The following LRMDA variants were observed in gnomAD, a reference collection of about 807,000 sequenced individuals.
The protein encoded by LRMDA is leucine rich melanocyte differentiation associated.
LRMDA carries 18 observed loss-of-function variants against 29.8 expected under a neutral mutation model. That is an observed-to-expected ratio of 0.60 (90% confidence interval 0.42 to 0.90). The LOEUF (loss-of-function observed/expected upper bound fraction) is 0.90, where lower values mean the gene tolerates loss of function less well. Ranked by LOEUF, LRMDA falls within the 40% of genes least tolerant of loss-of-function variation. LRMDA has a pLI of 0.00. For synonymous variants in LRMDA, 125 were observed against 109.4 expected (o/e 1.14, Z -0.89); for missense variants, 273 against 273.9 (o/e 1.00, Z 0.02).
intron 2 of LRMDA, chr10:75,552,413 G>GT (rs374745156): frequency 0.022 from 5,123 of 229,454 alleles, 4 homozygotes; most frequent in South Asian, 0.052. Flanking sequence ...TTTGTTCTGT[G>GT]TTTTTTTTTT....
At chr10:76,535,228 T>C (rs1001340044) in intron 6 of LRMDA, among the ~76,000 whole-genome samples, 2 of 152,140 alleles carry the variant, frequency 1.3e-5, no homozygotes, top group East Asian at 1.9e-4. Context: ...ATGGGTCTTA[T>C]GCATTTTTGT....
intron 6 of LRMDA, among the ~76,000 whole-genome samples, chr10:76,473,090 C>T (rs1024234828): frequency 2.0e-5 from 3 of 151,596 alleles, no homozygotes; most frequent in African/African-American, 4.8e-5. Flanking sequence ...TATGATATTT[C>T]GTGAAATGAA....
At chr10:75,879,815 T>C (rs1845264849) in intron 2 of LRMDA, among the ~76,000 whole-genome samples, 1 of 152,194 alleles carries the variant, frequency 6.6e-6, no homozygotes, top group South Asian at 2.1e-4. Context: ...TTTCCATTTC[T>C]TGGAATGATG....
chr10:75,877,359 G>A (rs958595714), intron 2 of LRMDA, among the ~76,000 whole-genome samples: 1 of 152,188 alleles, frequency 6.6e-6, no homozygotes, highest in African/African-American at 2.4e-5. Context: ...ATCCTCCAAA[G>A]CATCTTCCCG....
At chr10:76,557,130 A>T in intron 6 of LRMDA, 79 bp from the exon 7 acceptor site, 1 of 1,114,544 alleles carries the variant, frequency 9.0e-7, no homozygotes, top group Non-Finnish European at 1.4e-6. Flanking sequence ...ATTATCTTGC[A>T]TGTCTGCTTT....
intron 2 of LRMDA, among the ~76,000 whole-genome samples, chr10:75,688,428 C>A (rs1842107723): frequency 6.6e-6 from 1 of 152,194 alleles, no homozygotes; most frequent in South Asian, 2.1e-4. Flanking sequence ...AGCAAGAAAA[C>A]TAGAATTGGA....
At chr10:76,478,319 A>G (rs1169234127) in intron 6 of LRMDA, among the ~76,000 whole-genome samples, 2 of 152,234 alleles carry the variant, frequency 1.3e-5, no homozygotes, top group Admixed American at 6.5e-5. Context: ...ACTGGCCATC[A>G]GAGAAATGCA....
At chr10:75,951,362 C>T (rs907307166) in intron 2 of LRMDA, among the ~76,000 whole-genome samples, 81 of 152,254 alleles carry the variant, frequency 5.3e-4, no homozygotes, top group African/African-American at 1.8e-3. Flanking sequence ...CAGTCAGAGC[C>T]GACTTCCTGG....
chr10:75,538,069 T>C (rs142274421), intron 2 of LRMDA, among the ~76,000 whole-genome samples: 2 of 152,318 alleles, frequency 1.3e-5, no homozygotes, highest in African/African-American at 4.8e-5. Context: ...CACCACAGTA[T>C]ACGGTTGGGG....
chr10:76,490,758 T>C (rs892028017), intron 6 of LRMDA, among the ~76,000 whole-genome samples: 4 of 151,980 alleles, frequency 2.6e-5, no homozygotes, highest in African/African-American at 7.2e-5. Context: ...GATTGGAGAA[T>C]TCAGTCCATT....
chr10:75,583,495 A>C (rs1348496135), intron 2 of LRMDA, among the ~76,000 whole-genome samples: 3 of 152,198 alleles, frequency 2.0e-5, no homozygotes, highest in East Asian at 1.9e-4. Flanking sequence ...ATGAGAACTC[A>C]TTCACTATTG....
intron 3 of LRMDA, among the ~76,000 whole-genome samples, chr10:76,042,734 AT>A (rs948121729): frequency 1.3e-5 from 2 of 152,028 alleles, no homozygotes; most frequent in Admixed American, 1.3e-4. Context: ...AAATTTTGTA[AT>A]TTTTTTCTAG....
chr10:75,434,108 C>G (rs138604653), intron 1 of LRMDA, among the ~76,000 whole-genome samples: 124 of 152,312 alleles, frequency 8.1e-4, no homozygotes, highest in Middle Eastern at 3.4e-3. Context: ...AGTCATTTCT[C>G]TTTCCTCTAG....
intron 2 of LRMDA, among the ~76,000 whole-genome samples, chr10:75,922,572 C>T (rs1481730889): frequency 6.6e-6 from 1 of 152,154 alleles, no homozygotes; most frequent in Non-Finnish European, 1.5e-5. Context: ...TTATGCTTAC[C>T]CTTTGATGCA....
chr10:76,426,064 C>A (rs111860277), intron 6 of LRMDA, among the ~76,000 whole-genome samples: 3 of 152,140 alleles, frequency 2.0e-5, no homozygotes, highest in African/African-American at 7.2e-5. Flanking sequence ...AATAAACATA[C>A]GTGTGCATGT....
In LRMDA at chr10:75,608,843, C is replaced by A. The variant is rs1472341555; in HGVS notation, c.131+170349C>A. Among the ~76,000 whole-genome samples, 5 of 152,278 alleles carry A rather than the reference C, an allele frequency of 3.3e-5. No individual in the cohort carries two copies. In the East Asian group the frequency reaches 9.7e-4, roughly 29 times the overall value. On this transcript the variant is annotated intron_variant, in intron 2 of 6. Coordinates refer to ENST00000611255, the MANE Select transcript of LRMDA (RefSeq NM_001305581.2). Reference sequence around the variant, plus strand: ...AGCTCCTCTCTGTTCACTGTTTCTTCCAAAGAATCCCTTTTTGGTTACTGT... The same window carrying A: ...AGCTCCTCTCTGTTCACTGTTTCTTACAAAGAATCCCTTTTTGGTTACTGT...
At chr10:75,964,287 C>T (rs1443414228) in intron 2 of LRMDA, among the ~76,000 whole-genome samples, 2 of 152,176 alleles carry the variant, frequency 1.3e-5, no homozygotes, top group African/African-American at 2.4e-5. Context: ...TTTGGTTCCT[C>T]CCTTTGGAAA....
intron 6 of LRMDA, among the ~76,000 whole-genome samples, chr10:76,329,116 C>T (rs1840872962): frequency 6.6e-6 from 1 of 152,224 alleles, no homozygotes; most frequent in South Asian, 2.1e-4. Context: ...CCCTGCTCCT[C>T]CATCTCTCTA....
intron 6 of LRMDA, 67 bp from the exon 7 acceptor site, chr10:76,557,142 C>T: frequency 2.3e-6 from 3 of 1,283,260 alleles, no homozygotes; most frequent in Non-Finnish European, 3.4e-6. Flanking sequence ...GTCTGCTTTT[C>T]AGCACCTGTG....
Sources: allele counts gnomAD v4.1 joint callset (sites outside exome capture counted in the v4.1 genomes callset), GRCh38; gene constraint gnomAD v4.1.1; transcripts MANE v1.5; gene names NCBI Gene and HGNC (gene_info 2026-07-23, HGNC 2026-07-21).